WDPCP: variants seen among roughly 807,000 people sequenced by gnomAD.
The protein encoded by WDPCP is WD repeat-containing and planar cell polarity effector protein fritz homolog.
A neutral mutation model predicts 93.1 loss-of-function variants in WDPCP; 71 were observed. The ratio of observed to expected loss-of-function variants is 0.76; its 90% CI spans 0.63 to 0.93. The LOEUF is 0.93. Ranked by LOEUF, WDPCP falls within the 40% of genes least tolerant of loss-of-function variation. WDPCP has a pLI of 0.00. For missense variants in WDPCP, 844 were observed against 887.4 expected (o/e 0.95, Z 0.62); for synonymous variants, 315 against 315.0 (o/e 1.00, Z 0.00).
intron 2 of WDPCP, among the ~76,000 whole-genome samples, chr2:63,729,779 G>A (rs2103819174): frequency 6.6e-6 from 1 of 152,026 alleles, no homozygotes; most frequent in African/African-American, 2.4e-5. Flanking sequence ...CACTAGTTAT[G>A]TTTCCTATGC....
chr2:63,532,936 C>T (rs996920627), intron 1 of WDPCP, among the ~76,000 whole-genome samples: 1 of 152,080 alleles, frequency 6.6e-6, no homozygotes, highest in Non-Finnish European at 1.5e-5. Flanking sequence ...AAAGTCAAGA[C>T]CCACCAGTGT....
chr2:63,366,497 ATAGT>A (rs1217141871), intron 12 of WDPCP, among the ~76,000 whole-genome samples: 1 of 143,982 alleles, frequency 6.9e-6, no homozygotes, highest in Non-Finnish European at 1.5e-5. Flanking sequence ...GTCATCAATA[ATAGT>A]TAGCACTCAT....
intron 2 of WDPCP, among the ~76,000 whole-genome samples, chr2:63,804,931 G>A (rs1323273661): frequency 6.6e-6 from 1 of 152,000 alleles, no homozygotes; most frequent in Non-Finnish European, 1.5e-5. Context: ...GGGAGGCTGA[G>A]GCAGGATAAT....
chr2:63,185,390 T>A (rs933377486), intron 14 of WDPCP, among the ~76,000 whole-genome samples: 2 of 152,066 alleles, frequency 1.3e-5, no homozygotes, highest in Non-Finnish European at 2.9e-5. Flanking sequence ...TGGACAGGAC[T>A]TCCCCCCCTC....
chr2:63,407,892 G>A (rs182270430), intron 9 of WDPCP, among the ~76,000 whole-genome samples: 56 of 152,252 alleles, frequency 3.7e-4, no homozygotes, highest in Non-Finnish European at 6.6e-4. Context: ...AGGTCATGTC[G>A]AGTAGAGCCT....
intron 14 of WDPCP, among the ~76,000 whole-genome samples, chr2:63,247,725 G>C (rs1232090016): frequency 6.6e-6 from 1 of 150,426 alleles, no homozygotes; most frequent in South Asian, 2.1e-4. Context: ...AAATACTTCT[G>C]GTAACAAGCA....
chr2:63,218,439 T>C (rs1233305621), intron 14 of WDPCP, among the ~76,000 whole-genome samples: 1 of 152,292 alleles, frequency 6.6e-6, no homozygotes, highest in African/African-American at 2.4e-5. Flanking sequence ...AACATATATG[T>C]GTTTCTGTTT....
chr2:63,613,886 C>A (rs1286226663), intron 3 of WDPCP, among the ~76,000 whole-genome samples: 1 of 152,148 alleles, frequency 6.6e-6, no homozygotes. Context: ...TGTCTTAAGA[C>A]CCCCTCCCTA....
intron 1 of WDPCP, among the ~76,000 whole-genome samples, chr2:63,554,575 C>A (rs1038373522): frequency 1.4e-4 from 22 of 152,026 alleles, no homozygotes; most frequent in African/African-American, 5.3e-4. Flanking sequence ...ATCACTTGAA[C>A]CCAGGAGGCG....
intron 15 of WDPCP, among the ~76,000 whole-genome samples, chr2:63,154,760 G>A (rs1041519427): frequency 1.3e-5 from 2 of 152,032 alleles, no homozygotes; most frequent in East Asian, 1.9e-4. Context: ...CATTTCATGC[G>A]ACAATGAATG....
intron 2 of WDPCP, among the ~76,000 whole-genome samples, chr2:63,695,395 C>A (rs1668949696): frequency 6.6e-6 from 1 of 152,132 alleles, no homozygotes; most frequent in Non-Finnish European, 1.5e-5. Flanking sequence ...TCCTGCCATG[C>A]AGGACAACCA....
At chr2:63,621,543 G>A (rs752141200) in intron 3 of WDPCP, among the ~76,000 whole-genome samples, 6 of 152,098 alleles carry the variant, frequency 3.9e-5, no homozygotes, top group Admixed American at 6.6e-5. Flanking sequence ...CTAAACTTAC[G>A]TTTGATTGGT....
rs1333417601 is a variant in WDPCP, at chr2:63,142,921, T to C, written c.2190+9993A>G. Reference sequence around the variant, plus strand: ...ACACATACATATATATACACATACATATACACACACACACACACACACACA... The same window carrying C: ...ACACATACATATATATACACATACACATACACACACACACACACACACACA... On this transcript the variant is annotated intron_variant, in intron 17 of 17. Coordinates refer to ENST00000272321, the MANE Select transcript of WDPCP (RefSeq NM_015910.7). Among the ~76,000 whole-genome samples the C allele has an allele frequency of 5.2e-5, 4 of 76,606 alleles. No homozygotes were observed. The East Asian group carries it at 3.4e-3, about 65-fold the overall frequency. 50.3% of individuals were successfully genotyped at this position (76,606 alleles called of 152,430 possible). A position where few individuals can be genotyped will look rare whatever the true frequency, so the allele number is the denominator to read the frequency against.
intron 12 of WDPCP, among the ~76,000 whole-genome samples, chr2:63,364,283 A>T (rs765834372): frequency 6.6e-6 from 1 of 152,174 alleles, no homozygotes; most frequent in Non-Finnish European, 1.5e-5. Context: ...TGTTGCCTCT[A>T]AATGTGACAA....
chr2:63,598,838 G>A (rs926184615), intron 3 of WDPCP, among the ~76,000 whole-genome samples: 3 of 147,484 alleles, frequency 2.0e-5, no homozygotes, highest in East Asian at 2.0e-4. Flanking sequence ...ATATTTGCCA[G>A]CACTGCACTA....
intron 1 of WDPCP, among the ~76,000 whole-genome samples, chr2:63,536,773 C>CTTTT (rs58661370): frequency 4.3e-5 from 4 of 93,634 alleles, no homozygotes; most frequent in East Asian, 4.2e-4. Flanking sequence ...ATTCTTCATG[C>CTTTT]TTTTTTTTTT....
intron 2 of WDPCP, among the ~76,000 whole-genome samples, chr2:63,713,254 C>T (rs1004580755): frequency 1.3e-5 from 2 of 152,206 alleles, no homozygotes; most frequent in African/African-American, 4.8e-5. Context: ...ATACACACCC[C>T]TTTGGGTCCT....
chr2:63,729,669 T>C (rs1188656041), intron 2 of WDPCP, among the ~76,000 whole-genome samples: 1 of 152,230 alleles, frequency 6.6e-6, no homozygotes, highest in African/African-American at 2.4e-5. Flanking sequence ...CTCAATTTTC[T>C]ATTTTCTTAT....
intron 12 of WDPCP, among the ~76,000 whole-genome samples, chr2:63,325,223 C>G (rs999012572): frequency 6.6e-6 from 1 of 152,156 alleles, no homozygotes; most frequent in African/African-American, 2.4e-5. Context: ...GAAAATGGAG[C>G]AGGCCAATCA....
Sources: gnomAD v4.1 joint callset for allele counts (sites outside exome capture counted in the v4.1 genomes callset) on GRCh38, gnomAD v4.1.1 for gene constraint, MANE v1.5 for transcripts, NCBI Gene and HGNC (gene_info 2026-07-23, HGNC 2026-07-21) for gene names.